Variants in NCOA2 observed in about 807,000 individuals in gnomAD.
NCOA2 encodes the protein nuclear receptor coactivator 2, also known as class E basic helix-loop-helix protein 75.
Under a neutral mutation model 145.1 loss-of-function variants are expected in NCOA2, and 21 were observed. The ratio of observed to expected loss-of-function variants is 0.14; its 90% CI spans 0.10 to 0.21. The LOEUF (loss-of-function observed/expected upper bound fraction) is 0.21, where lower values mean the gene tolerates loss of function less well. NCOA2 is among the 10% of genes least tolerant of loss of function. The pLI, the probability that NCOA2 is intolerant of heterozygous loss-of-function variation, is 1.00. For missense variants in NCOA2, 1,472 were observed against 1,837.6 expected (o/e 0.80, Z 3.64); for synonymous variants, 619 against 637.5 (o/e 0.97, Z 0.44).
intron 2 of NCOA2, among the ~76,000 whole-genome samples, chr8:70,275,815 A>G (rs1825420777): frequency 6.6e-6 from 1 of 152,220 alleles, no homozygotes; most frequent in Non-Finnish European, 1.5e-5. Context: ...TTAATTTTTA[A>G]AAGTGCACTG....
intron 19 of NCOA2, among the ~76,000 whole-genome samples, chr8:70,125,280 T>C (rs533858510): frequency 1.3e-5 from 2 of 152,268 alleles, no homozygotes; most frequent in South Asian, 2.1e-4. Context: ...TATTTTGACA[T>C]AGGGTCTTGC....
At chr8:70,382,876 T>C (rs536797277) in intron 1 of NCOA2, among the ~76,000 whole-genome samples, 1 of 152,354 alleles carries the variant, frequency 6.6e-6, no homozygotes, top group East Asian at 1.9e-4. Context: ...ATGTCACTTT[T>C]CCTGCTAAAA....
intron 2 of NCOA2, among the ~76,000 whole-genome samples, chr8:70,276,846 C>T (rs928142190): frequency 6.6e-6 from 1 of 152,108 alleles, no homozygotes; most frequent in Non-Finnish European, 1.5e-5. Context: ...ATATACAGAC[C>T]TTTAAAAAAC....
In NCOA2 at chr8:70,112,454, C is replaced by T. The variant is rs562655837; in HGVS notation, c.*1178G>A. 7 of 198,340 alleles carry T rather than the reference C, an allele frequency of 3.5e-5. No individual in the cohort carries two copies. Among genetic ancestry groups the T allele is most frequent in the Non-Finnish European group, 6.3e-5 (6 of 95,790 alleles). 12.3% of individuals were successfully genotyped at this position (198,340 alleles called of 1,614,324 possible). ...CGGCTTAGTCAGCACTGCTAAAAAA[C>T]AAAATAAAAAACACATGGCAGAGGT... is the stretch of plus-strand genomic sequence containing the variant. On this transcript the variant is annotated 3_prime_UTR_variant, in exon 23 of 23. Coordinates refer to ENST00000452400, the MANE Select transcript of NCOA2 (RefSeq NM_006540.4).
chr8:70,156,943 G>T lies in NCOA2; in HGVS notation c.1422C>A (p.Ser474Arg). The stretch of plus-strand genomic sequence containing the variant: ...TGGGCTGTCCTGGATTCATGCCAGG[G>T]CTGCTTTGTGAGGGGCTGTTCATTT... ...ALKMNSPSQS[S>R]PGMNPGQPTS... The change falls in exon 11 of 23, where the codon AGC becomes AGA. Residue 474 changes from serine (S) to arginine (R), a missense_variant. Coordinates refer to ENST00000452400, the MANE Select transcript of NCOA2 (RefSeq NM_006540.4). 1 of 1,614,042 alleles carries T rather than the reference G, an allele frequency of 6.2e-7. No individual in the cohort carries two copies. Among genetic ancestry groups the T allele is most frequent in the Non-Finnish European group, 8.5e-7 (1 of 1,179,886 alleles).
chr8:70,134,793 A>G (rs1191592587), intron 15 of NCOA2, among the ~76,000 whole-genome samples: 1 of 152,220 alleles, frequency 6.6e-6, no homozygotes, highest in Admixed American at 6.5e-5. Flanking sequence ...AAAACCCCAA[A>G]TAAATGCAGA....
chr8:70,335,145 AAAAAAAAAG>A (rs1399482376), intron 1 of NCOA2, among the ~76,000 whole-genome samples: 11 of 149,668 alleles, frequency 7.3e-5, no homozygotes, highest in African/African-American at 2.5e-4. Context: ...AAAAAAAAAA[AAAAAAAAAG>A]ATCTCTCCCT....
At chr8:70,299,447 G>A (rs995837458) in intron 1 of NCOA2, among the ~76,000 whole-genome samples, 1 of 151,960 alleles carries the variant, frequency 6.6e-6, no homozygotes, top group Non-Finnish European at 1.5e-5. Context: ...TTTGATAAAG[G>A]GCATGTATCT....
intron 2 of NCOA2, among the ~76,000 whole-genome samples, chr8:70,258,645 C>A (rs188525665): frequency 6.6e-6 from 1 of 152,146 alleles, no homozygotes; most frequent in Non-Finnish European, 1.5e-5. Flanking sequence ...AATCCCTCTA[C>A]AATTATCAAG....
intron 1 of NCOA2, among the ~76,000 whole-genome samples, chr8:70,382,687 T>C (rs1206444810): frequency 6.6e-6 from 1 of 152,214 alleles, no homozygotes; most frequent in Non-Finnish European, 1.5e-5. Flanking sequence ...CATTTCTTTC[T>C]TGACATAACC....
At chr8:70,183,743 C>A (rs1416487480) in intron 4 of NCOA2, among the ~76,000 whole-genome samples, 7 of 152,178 alleles carry the variant, frequency 4.6e-5, no homozygotes, top group Non-Finnish European at 1.0e-4. Flanking sequence ...TTCTGTGATG[C>A]CCTATGCCCA....
chr8:70,378,206 G>T (rs752835256), intron 1 of NCOA2, among the ~76,000 whole-genome samples: 63 of 152,176 alleles, frequency 4.1e-4, no homozygotes, highest in Non-Finnish European at 6.5e-4. Flanking sequence ...TCTTTGGGAG[G>T]CCCCAGGTGG....
intron 6 of NCOA2, among the ~76,000 whole-genome samples, chr8:70,169,599 G>A (rs1296604121): frequency 6.6e-6 from 1 of 152,136 alleles, no homozygotes; most frequent in East Asian, 1.9e-4. Flanking sequence ...GTGAGGCAAT[G>A]TGTCACCTTA....
At chr8:70,361,477 G>GA (rs1433232052) in intron 1 of NCOA2, among the ~76,000 whole-genome samples, 5 of 142,950 alleles carry the variant, frequency 3.5e-5, no homozygotes, top group Non-Finnish European at 6.2e-5. Flanking sequence ...TCTCAAAAAA[G>GA]AAAAAAAAAG....
intron 1 of NCOA2, among the ~76,000 whole-genome samples, chr8:70,384,017 C>G (rs1000516243): frequency 2.0e-5 from 3 of 152,108 alleles, no homozygotes; most frequent in African/African-American, 7.2e-5. Flanking sequence ...TCAGTGTACT[C>G]CATTTGTGTA....
At chr8:70,401,880 T>TA (rs35026467) in intron 1 of NCOA2, 9 of 152,356 alleles carry the variant, frequency 5.9e-5, no homozygotes, top group African/African-American at 1.7e-4. Context: ...CTCGGTGAGT[T>TA]ACTGCCACAT....
At chr8:70,129,185 A>T (rs543003266) in intron 16 of NCOA2, among the ~76,000 whole-genome samples, 28 of 152,188 alleles carry the variant, frequency 1.8e-4, no homozygotes, top group Non-Finnish European at 3.4e-4. Flanking sequence ...TTACACAAGG[A>T]CAGAAGCCGG....
At chr8:70,392,368 T>A (rs1035010308) in intron 1 of NCOA2, among the ~76,000 whole-genome samples, 5 of 152,180 alleles carry the variant, frequency 3.3e-5, no homozygotes, top group African/African-American at 1.2e-4. Context: ...AGAAAATGAA[T>A]AAATGACAGA....
Position 70,399,973 on chromosome 8 carries a change from C to T in NCOA2, c.-77+3727G>A, listed in dbSNP as rs183822295. Among the ~76,000 whole-genome samples the T allele has an allele frequency of 1.1e-3, 175 of 152,322 alleles. 1 individual carries two copies. Among genetic ancestry groups the T allele is most frequent in the Non-Finnish European group, 8.7e-4 (59 of 68,020 alleles). On this transcript the variant is annotated intron_variant, in intron 1 of 22. Transcript: ENST00000452400. Reference sequence around the variant, plus strand: ...GGGCATATAATGGAAGGACTGCTCACAGATCCTTGATGTTACTGAAGCTTG... The same window carrying T: ...GGGCATATAATGGAAGGACTGCTCATAGATCCTTGATGTTACTGAAGCTTG...
Sources: allele counts gnomAD v4.1 joint callset (sites outside exome capture counted in the v4.1 genomes callset), GRCh38; gene constraint gnomAD v4.1.1; transcripts MANE v1.5; gene names NCBI Gene and HGNC (gene_info 2026-07-23, HGNC 2026-07-21).